The following TMEM63B variants were observed in gnomAD, a reference collection of about 807,000 sequenced individuals.
The protein encoded by TMEM63B is transmembrane protein 63B, also known as mechanosensitive cation channel TMEM63B.
TMEM63B carries 23 observed loss-of-function variants against 102.6 expected under a neutral mutation model. That is an observed-to-expected ratio of 0.22 (90% CI 0.16 to 0.32). TMEM63B has a LOEUF of 0.32. Ranked by LOEUF, TMEM63B falls within the 10% of genes least tolerant of loss-of-function variation. The pLI is 1.00. For missense variants in TMEM63B, 628 were observed against 1,095.9 expected (o/e 0.57, Z 6.03); for synonymous variants, 444 against 437.0 (o/e 1.02, Z -0.20).
rs1003411405 is a variant in TMEM63B, at chr6:44,148,675, G to A, written c.1259+25G>A. The A allele has an allele frequency of 6.2e-7, 1 of 1,612,746 alleles. No homozygotes were observed. ...GGTGAGCAAACAGGTGTCAGGGCAG[G>A]CTTTCCAGGGCCTGGGATGGGCTCA... On this transcript the variant is annotated intron_variant, in intron 14 of 23. Coordinates refer to ENST00000323267, the MANE Select transcript of TMEM63B (RefSeq NM_018426.3). This position sits in a 1 kb window ranked among gnomAD's most constrained non-coding sequence, Gnocchi z 5.1.
chr6:44,153,038 C>T (rs755829795), intron 20 of TMEM63B, among the ~76,000 whole-genome samples: 2 of 152,250 alleles, frequency 1.3e-5, no homozygotes, highest in South Asian at 4.1e-4. Flanking sequence ...CCCACACAGG[C>T]ATCCATGTGC....
chr6:44,128,035 T>A (rs1777541034), intron 1 of TMEM63B, among the ~76,000 whole-genome samples: 1 of 151,250 alleles, frequency 6.6e-6, no homozygotes, highest in African/African-American at 2.4e-5. Flanking sequence ...GGGTGCCAGC[T>A]GCGCCCCGCC....
At chr6:44,134,122 C>T (rs996312789) in intron 1 of TMEM63B, among the ~76,000 whole-genome samples, 2 of 152,174 alleles carry the variant, frequency 1.3e-5, no homozygotes, top group African/African-American at 4.8e-5. Flanking sequence ...GACCCATTCT[C>T]CCCTGACGTG....
intron 5 of TMEM63B, among the ~76,000 whole-genome samples, chr6:44,136,743 C>T (rs944091158): frequency 3.3e-5 from 5 of 152,156 alleles, no homozygotes; most frequent in African/African-American, 2.4e-5. Context: ...ACCTTTTTTC[C>T]GTAGTCATGG....
rs1767836776 is a variant in TMEM63B, at chr6:44,155,394, G to C, written c.*511G>C. The C allele has an allele frequency of 6.6e-6, 1 of 152,236 alleles. No individual in the cohort carries two copies. Among genetic ancestry groups the C allele is most frequent in the South Asian group, 2.1e-4 (1 of 4,826 alleles). The allele number at this position is 152,236 out of a possible 1,614,324, so 9.4% of individuals were successfully genotyped here. ...GGAGGAAGAGTCAGGCTCACAGCTG[G>C]GGTGGCCTGGGGGTGGGGGTGGGCA... On this transcript the variant is annotated 3_prime_UTR_variant, in exon 24 of 24. Coordinates refer to ENST00000323267, the MANE Select transcript of TMEM63B (RefSeq NM_018426.3).
intron 12 of TMEM63B, 89 bp downstream of exon 12, chr6:44,147,589 C>A (rs1205720581): frequency 1.3e-6 from 2 of 1,531,226 alleles, no homozygotes; most frequent in Non-Finnish European, 1.8e-6. Context: ...GAGTCCCCAC[C>A]TGTCCCTGGA....
At chr6:44,135,529 G>A (rs1286787028) in intron 4 of TMEM63B, among the ~76,000 whole-genome samples, 163 bp downstream of exon 4, 6 of 152,222 alleles carry the variant, frequency 3.9e-5, no homozygotes, top group Non-Finnish European at 8.8e-5. Flanking sequence ...TGCAGAGCAG[G>A]GGGCTCCCCA....
At position 44,150,582 on chromosome 6, in the gene TMEM63B, C is replaced by G; in HGVS notation, c.1626C>G (p.Arg542=). Residue 542 remains arginine (R), a synonymous_variant, in exon 18 of 24, where the codon CGC becomes CGG. Transcript: ENST00000323267. The surrounding 1 kb of genome is among the most constrained non-coding windows in gnomAD (Gnocchi z 4.7). ...LGLSSLDLFF[R]WLFDKKFLAE... ...CCTCCAGCCTGGACCTCTTCTTCCG[C>G]TGGCTCTTTGATAAGAAATTCTTGG... is the stretch of plus-strand genomic sequence containing the variant. The G allele has an allele frequency of 6.2e-7, 1 of 1,614,198 alleles. No individual in the cohort carries two copies.
At chr6:44,147,008 C>T in intron 11 of TMEM63B, 81 bp downstream of exon 11, 1 of 1,461,340 alleles carries the variant, frequency 6.8e-7, no homozygotes, top group Non-Finnish European at 9.6e-7. Context: ...ACACAGGCTC[C>T]CCTTCTAGAT....
chr6:44,133,650 C>T lies in TMEM63B; in HGVS notation c.-24-911C>T, dbSNP rs546978064. The stretch of plus-strand genomic sequence containing the variant: ...CAGGCTGGCTGTCCCTTTTCTCCTC[C>T]TGCCCACCCCATCCACTCTGAGCAT... On this transcript the variant is annotated intron_variant, in intron 1 of 23. Coordinates refer to ENST00000323267, the MANE Select transcript of TMEM63B (RefSeq NM_018426.3). Among the ~76,000 whole-genome samples, 21 of 152,356 alleles carry T rather than the reference C, an allele frequency of 1.4e-4. No individual in the cohort carries two copies. The South Asian group carries it at 4.3e-3, about 32-fold the overall frequency.
chr6:44,138,665 C>G, intron 6 of TMEM63B, 148 bp downstream of exon 6: 3 of 879,894 alleles, frequency 3.4e-6, no homozygotes, highest in Non-Finnish European at 5.4e-6. Flanking sequence ...GGCCAAGCCT[C>G]GGGTGCCTGA....
Position 44,154,210 on chromosome 6 carries a change from C to A in TMEM63B, c.2226+22C>A, listed in dbSNP as rs2277127. ...CAAGGTGTGGGGCAAGGGTGGCAGG[C>A]GGATGGCTGCGGGCAGGAGCTCAAG... On this transcript the variant is annotated intron_variant, in intron 22 of 23. Coordinates refer to ENST00000323267, the MANE Select transcript of TMEM63B (RefSeq NM_018426.3). The A allele has an allele frequency of 3.7e-6, 6 of 1,609,856 alleles. No individual in the cohort carries two copies. The Admixed American group carries it at 1.0e-4, about 27-fold the overall frequency.
At chr6:44,138,192 C>T (rs59842359) in intron 5 of TMEM63B, among the ~76,000 whole-genome samples, 40,135 of 151,794 alleles carry the variant, frequency 0.26, 5,862 homozygotes, top group African/African-American at 0.39. Context: ...CCCATCCCAC[C>T]CTGGCCCACA....
upstream of TMEM63B, chr6:44,127,186 A>ACCCCCCCCTCCCCGTCGGGAC (rs1777238655): frequency 3.6e-5 from 4 of 111,494 alleles, no homozygotes; most frequent in Admixed American, 2.4e-4. Flanking sequence ...CCCCGTCGGG[A>ACCCCCCCCTCCCCGTCGGGAC]CCCCCCCCTC....
intron 5 of TMEM63B, 54 bp from the exon 6 acceptor site, chr6:44,138,426 G>A: frequency 6.2e-7 from 1 of 1,611,980 alleles, no homozygotes; most frequent in Non-Finnish European, 8.5e-7. Context: ...AGGGAGGAGA[G>A]AGGTTCGGGT....
chr6:44,153,611 TGACA>T, intron 20 of TMEM63B, 61 bp from the exon 21 acceptor site: 1 of 1,563,446 alleles, frequency 6.4e-7, no homozygotes, highest in Non-Finnish European at 8.7e-7. Flanking sequence ...GAACAACCTG[TGACA>T]GACACACAAA....
intron 15 of TMEM63B, 31 bp from the exon 16 acceptor site, chr6:44,149,828 C>T (rs1471753828): frequency 6.3e-7 from 1 of 1,576,904 alleles, no homozygotes; most frequent in Non-Finnish European, 8.6e-7. Context: ...CTAGACTGCC[C>T]TGCCTGACGC....
At chr6:44,153,958 C>A in intron 21 of TMEM63B, 115 bp downstream of exon 21, 1 of 1,557,572 alleles carries the variant, frequency 6.4e-7, no homozygotes, top group Non-Finnish European at 8.8e-7. Context: ...CTGGGAGAGG[C>A]TGGGGCCAGT....
rs143307278 is a variant in TMEM63B at position 44,148,571 on chromosome 6, C to T, written c.1180C>T (p.Arg394Cys). The change falls in exon 14 of 24, where the codon CGC (arginine) becomes TGC (cysteine). Residue 394 changes from arginine (R) to cysteine (C), a missense_variant. Arg to Cys is a radical substitution (Grantham distance 180). Around this residue, in one of 6 missense-constraint regions of TMEM63B, gnomAD observed 336 missense variants for 580.3 expected, o/e 0.58. Transcript: ENST00000323267. This position sits in a 1 kb window ranked among gnomAD's most constrained non-coding sequence, Gnocchi z 5.1. ...GGGCTGCACCTGCCGTGGGGAGCCA[C>T]GCCCCTCATCCTGCAGCGAGTCCCT... Reference protein sequence around the residue: ...CQGCTCRGEPRPSSCSESLHI... With the variant: ...CQGCTCRGEPCPSSCSESLHI... 250 of 1,614,128 alleles carry T rather than the reference C, an allele frequency of 1.5e-4. 2 individuals carry two copies. The highest frequency in any genetic ancestry group is 3.1e-4 in the South Asian group (28 of 91,096).
Sources: gnomAD v4.1 joint callset for allele counts (sites outside exome capture counted in the v4.1 genomes callset) on GRCh38, gnomAD v4.1.1 for gene constraint, gnomAD v4.1.1 regional missense constraint, Gnocchi (gnomAD v3.1) non-coding constraint, MANE v1.5 for transcripts, NCBI Gene and HGNC (gene_info 2026-07-23, HGNC 2026-07-21) for gene names.